L3MBTL4: variants seen among roughly 807,000 people sequenced by gnomAD.
The protein encoded by L3MBTL4 is lethal(3)malignant brain tumor-like protein 4.
Under a neutral mutation model 84.5 loss-of-function variants are expected in L3MBTL4, and 70 were observed. The ratio of observed to expected loss-of-function variants is 0.83; its 90% CI spans 0.68 to 1.01. The LOEUF (loss-of-function observed/expected upper bound fraction) is 1.01, where lower values mean the gene tolerates loss of function less well. Ranked by LOEUF, L3MBTL4 falls within the 50% of genes least tolerant of loss-of-function variation. The pLI is 0.00. For synonymous variants in L3MBTL4, 274 were observed against 259.8 expected (o/e 1.05, Z -0.52); for missense variants, 715 against 754.8 (o/e 0.95, Z 0.62).
chr18:6,325,545 T>C (rs1046676888), intron 1 of L3MBTL4, among the ~76,000 whole-genome samples: 8 of 152,144 alleles, frequency 5.3e-5, no homozygotes, highest in African/African-American at 1.4e-4. Flanking sequence ...ACCTTAGATA[T>C]ATACGGCAAA....
intron 1 of L3MBTL4, among the ~76,000 whole-genome samples, chr18:6,375,466 C>T (rs560486446): frequency 5.3e-5 from 8 of 152,106 alleles, no homozygotes; most frequent in Non-Finnish European, 1.0e-4. Context: ...CTCAGACCTC[C>T]GTGTAAATGT....
chr18:6,056,442 C>T (rs1479320060), intron 16 of L3MBTL4, among the ~76,000 whole-genome samples: 1 of 152,118 alleles, frequency 6.6e-6, no homozygotes, highest in Non-Finnish European at 1.5e-5. Context: ...GCAGGAGGCT[C>T]CCTCTGAAGT....
intron 16 of L3MBTL4, among the ~76,000 whole-genome samples, chr18:6,053,944 T>C (rs1053996174): frequency 1.3e-5 from 2 of 152,230 alleles, no homozygotes; most frequent in African/African-American, 4.8e-5. Flanking sequence ...GGTTAAGTTC[T>C]ATACTTCAGA....
intron 16 of L3MBTL4, among the ~76,000 whole-genome samples, chr18:5,980,877 A>T (rs943309621): frequency 1.3e-5 from 2 of 152,172 alleles, no homozygotes; most frequent in Non-Finnish European, 2.9e-5. Context: ...ACACAGGATG[A>T]GTTGCTCCTC....
intron 1 of L3MBTL4, among the ~76,000 whole-genome samples, chr18:6,408,119 T>A (rs559770227): frequency 3.3e-5 from 5 of 152,140 alleles, no homozygotes; most frequent in East Asian, 3.9e-4. Context: ...TGAAAAAAAA[T>A]TCACAGAAAC....
intron 4 of L3MBTL4, among the ~76,000 whole-genome samples, chr18:6,289,610 G>A (rs2049755182): frequency 6.6e-6 from 1 of 152,072 alleles, no homozygotes; most frequent in African/African-American, 2.4e-5. Flanking sequence ...GTATCTCCCT[G>A]CATGTGATTT....
At chr18:6,285,810 T>TATTATTATC (rs1347455879) in intron 4 of L3MBTL4, among the ~76,000 whole-genome samples, 45 of 46,420 alleles carry the variant, frequency 9.7e-4, no homozygotes, top group African/African-American at 6.3e-3. Context: ...TTAAAAGATA[T>TATTATTATC]ATTATTATTA....
At chr18:6,254,067 G>T (rs920287950) in intron 5 of L3MBTL4, among the ~76,000 whole-genome samples, 2 of 152,024 alleles carry the variant, frequency 1.3e-5, no homozygotes, top group Admixed American at 6.6e-5. Flanking sequence ...TGATGTCTTC[G>T]GGCGTTCTAG....
intron 16 of L3MBTL4, among the ~76,000 whole-genome samples, chr18:6,054,768 G>A (rs1431529449): frequency 6.6e-6 from 1 of 152,242 alleles, no homozygotes; most frequent in Non-Finnish European, 1.5e-5. Flanking sequence ...TGCTGGGTAT[G>A]TAAAGAATAT....
intron 16 of L3MBTL4, among the ~76,000 whole-genome samples, chr18:5,988,949 A>G (rs1762684794): frequency 6.6e-6 from 1 of 152,178 alleles, no homozygotes; most frequent in Admixed American, 6.5e-5. Flanking sequence ...GCGCTTCTAT[A>G]CTAAGACCCT....
intron 14 of L3MBTL4, among the ~76,000 whole-genome samples, chr18:6,100,836 G>A (rs1195702706): frequency 6.6e-6 from 1 of 152,152 alleles, no homozygotes; most frequent in Admixed American, 6.5e-5. Flanking sequence ...GGCCTCCTGC[G>A]ACACCACCCT....
chr18:6,394,607 A>C (rs1215821951), intron 1 of L3MBTL4, among the ~76,000 whole-genome samples: 1 of 152,220 alleles, frequency 6.6e-6, no homozygotes, highest in African/African-American at 2.4e-5. Context: ...ACTGATGTAC[A>C]CAAACATCTA....
chr18:6,320,496 A>G (rs538448138), intron 1 of L3MBTL4, among the ~76,000 whole-genome samples: 1 of 152,202 alleles, frequency 6.6e-6, no homozygotes, highest in East Asian at 1.9e-4. Flanking sequence ...AAGCAGAATC[A>G]AATCAGGAAC....
In L3MBTL4 at chr18:6,161,427, G is replaced by A. The variant is rs965209790; in HGVS notation, c.1096+10401C>T. 5.9e-5 allele frequency among the ~76,000 whole-genome samples: 9 copies of A among 152,084 alleles called. No homozygotes were observed. In the East Asian group the frequency reaches 1.7e-3, roughly 29 times the overall value. On this transcript the variant is annotated intron_variant, in intron 13 of 18. Transcript: ENST00000317931. ...TTCAAGAACTTACACTGGGCCTTAG[G>A]GCTTGAATATTATGGTCTTGGCTCA...
intron 16 of L3MBTL4, among the ~76,000 whole-genome samples, chr18:6,022,436 A>AT (rs1412709847): frequency 6.6e-6 from 1 of 152,106 alleles, no homozygotes; most frequent in Non-Finnish European, 1.5e-5. Flanking sequence ...TTTTAAAGTC[A>AT]TTTTTTCAAC....
At chr18:5,987,950 G>A (rs552549191) in intron 16 of L3MBTL4, among the ~76,000 whole-genome samples, 6 of 151,732 alleles carry the variant, frequency 4.0e-5, no homozygotes, top group African/African-American at 7.2e-5. Flanking sequence ...ATCCAGAGAC[G>A]AAGCTCTGCT....
At chr18:6,144,054 G>C (rs2042539369) in intron 13 of L3MBTL4, among the ~76,000 whole-genome samples, 1 of 151,964 alleles carries the variant, frequency 6.6e-6, no homozygotes, top group South Asian at 2.1e-4. Flanking sequence ...AGAATTGGCT[G>C]GGCATGGTGG....
chr18:6,306,426 G>C (rs535296386), intron 3 of L3MBTL4, among the ~76,000 whole-genome samples: 1 of 152,210 alleles, frequency 6.6e-6, no homozygotes, highest in South Asian at 2.1e-4. Context: ...ATATAACAAA[G>C]CCTTATAAAT....
intron 5 of L3MBTL4, among the ~76,000 whole-genome samples, chr18:6,257,181 C>T (rs773521976): frequency 3.0e-4 from 46 of 151,966 alleles, no homozygotes; most frequent in Non-Finnish European, 2.1e-4. Context: ...CAGGGAGGTG[C>T]CTCCACACAG....
Sources: gnomAD v4.1 joint callset for allele counts (sites outside exome capture counted in the v4.1 genomes callset) on GRCh38, gnomAD v4.1.1 for gene constraint, MANE v1.5 for transcripts, NCBI Gene and HGNC (gene_info 2026-07-23, HGNC 2026-07-21) for gene names.